TTLL4: variants seen among roughly 807,000 people sequenced by gnomAD.
TTLL4 encodes the protein tubulin tyrosine ligase like 4.
In TTLL4, 85 loss-of-function variants were observed where a neutral mutation model predicts 122.7. The observed-to-expected ratio is 0.69, with a 90% CI of 0.58 to 0.83. The LOEUF is 0.83. Among genes scored for constraint, TTLL4 ranks in the 40% least tolerant of loss-of-function variants. The pLI is 0.00. For synonymous variants in TTLL4, 553 were observed against 563.0 expected, an observed-to-expected ratio of 0.98 and a Z score of 0.25; for missense variants, 1,363 against 1,488.6, an observed-to-expected ratio of 0.92 and a Z score of 1.39.
chr2:218,734,697 CAT>C (rs1942468384), intron 2 of TTLL4, among the ~76,000 whole-genome samples: 1 of 152,182 alleles, frequency 6.6e-6, no homozygotes, highest in South Asian at 2.1e-4. Flanking sequence ...TTTCCCTAGG[CAT>C]TCTCCTACCA....
At chr2:218,716,695 A>C (rs1941870209) in intron 1 of TTLL4, among the ~76,000 whole-genome samples, 1 of 152,180 alleles carries the variant, frequency 6.6e-6, no homozygotes, top group South Asian at 2.1e-4. Flanking sequence ...AGGTTGAGGC[A>C]GGAGAATGGC....
At chr2:218,748,367 A>G in intron 12 of TTLL4, 140 bp downstream of exon 12, 2 of 1,332,600 alleles carry the variant, frequency 1.5e-6, no homozygotes, top group Non-Finnish European at 2.0e-6. Context: ...GAATTGGTCT[A>G]TTTGAGGCCG....
intron 1 of TTLL4, among the ~76,000 whole-genome samples, chr2:218,720,452 A>C (rs1447742881): frequency 1.3e-5 from 2 of 152,202 alleles, no homozygotes; most frequent in African/African-American, 4.8e-5. Flanking sequence ...TGCTGATGTG[A>C]TATTGTGATA....
chr2:218,743,122 T>C (rs1942748495), intron 5 of TTLL4, among the ~76,000 whole-genome samples: 1 of 151,752 alleles, frequency 6.6e-6, no homozygotes, highest in Admixed American at 6.6e-5. Context: ...CCAGCCTGGG[T>C]GACAAGAGCA....
At chr2:218,742,136 A>T (rs971438928) in intron 5 of TTLL4, among the ~76,000 whole-genome samples, 58 of 151,712 alleles carry the variant, frequency 3.8e-4, no homozygotes, top group African/African-American at 1.3e-3. Flanking sequence ...ATTAAAAAAA[A>T]TTTTTTTTGT....
At chr2:218,711,206 C>A (rs1941692335) in intron 1 of TTLL4, among the ~76,000 whole-genome samples, 169 bp downstream of exon 1, 1 of 152,234 alleles carries the variant, frequency 6.6e-6, no homozygotes, top group South Asian at 2.1e-4. Context: ...GGCCAGGGAG[C>A]CGCGGCCTCC....
Position 218,751,600 on chromosome 2 carries a change from C to T in TTLL4, c.2874-104C>T, listed in dbSNP as rs1943015034. 3.5e-6 allele frequency: 5 copies of T among 1,431,172 alleles called. No homozygotes were observed. In the East Asian group the frequency reaches 1.3e-4, roughly 38 times the overall value. The allele number at this position is 1,431,172 out of a possible 1,614,324, so 88.7% of individuals were successfully genotyped here. A position where few individuals can be genotyped will look rare whatever the true frequency, so the allele number is the denominator to read the frequency against. On this transcript the variant is annotated intron_variant, in intron 15 of 19. Transcript: ENST00000392102. ...GTAACCTCTGTTCATACATCTTTGT[C>T]TTCTCTCAAGAAGGGTGTCTGCTGG...
intron 4 of TTLL4, 141 bp from the exon 5 acceptor site, chr2:218,740,380 G>A (rs1942665549): frequency 2.1e-6 from 2 of 957,648 alleles, no homozygotes; most frequent in South Asian, 1.5e-5. Context: ...GTTGAGGAAG[G>A]CAGTGCAAAG....
intron 5 of TTLL4, among the ~76,000 whole-genome samples, chr2:218,743,329 C>T (rs1044213866): frequency 6.6e-6 from 1 of 152,144 alleles, no homozygotes. Flanking sequence ...TTTTTTCATT[C>T]AGCATATTCT....
chr2:218,729,776 A>C (rs1353547568), intron 2 of TTLL4, among the ~76,000 whole-genome samples: 5 of 151,016 alleles, frequency 3.3e-5, no homozygotes, highest in Admixed American at 6.6e-5. Context: ...AAAAAAAAAA[A>C]ACAGGATCTT....
chr2:218,744,059 C>G (rs1942776623), intron 5 of TTLL4, among the ~76,000 whole-genome samples: 1 of 152,108 alleles, frequency 6.6e-6, no homozygotes, highest in Non-Finnish European at 1.5e-5. Context: ...AACCAAAAGC[C>G]TTTGAAGAAA....
chr2:218,747,317 C>T lies in TTLL4; in HGVS notation c.2194C>T (p.Gln732Ter). ...PPASARGIGI[Q>*]VIHKWSQLPK... ...AGCATCAGCTCGAGGCATTGGCATC[C>T]AGGTTATTCACAAGTGGAGTCAGCT... The change falls in exon 10 of 20, where the codon CAG (glutamine) becomes TAG (stop). Residue 732 changes from glutamine (Q) to a stop codon, truncating the protein, a stop_gained. Coordinates refer to ENST00000392102, the MANE Select transcript of TTLL4 (RefSeq NM_014640.5). LOFTEE classifies it high-confidence loss of function. This position sits in a 1 kb window ranked among gnomAD's most constrained non-coding sequence, Gnocchi z 4.7. 1 of 1,614,192 alleles carries T rather than the reference C, an allele frequency of 6.2e-7. No individual in the cohort carries two copies. Among genetic ancestry groups the T allele is most frequent in the Non-Finnish European group, 8.5e-7 (1 of 1,180,038 alleles).
intron 2 of TTLL4, among the ~76,000 whole-genome samples, chr2:218,729,763 CAAA>C (rs1303308653): frequency 7.7e-6 from 1 of 129,770 alleles, no homozygotes; most frequent in Admixed American, 7.9e-5. Flanking sequence ...AAAAAAAAAA[CAAA>C]AAAAAAAAAA....
chr2:218,738,576 T>C lies in TTLL4; in HGVS notation c.900T>C (p.Val300=). The change falls in exon 3 of 20, where the codon GTT becomes GTC. Residue 300 remains valine, a synonymous_variant. Coordinates refer to ENST00000392102, the MANE Select transcript of TTLL4 (RefSeq NM_014640.5). Reference sequence around the variant, plus strand: ...CCCACGACACATCCACCACCAGTGTTGCCTCTTCCTGGTATAACCGGAATA... The same window carrying C: ...CCCACGACACATCCACCACCAGTGTCGCCTCTTCCTGGTATAACCGGAATA... ...ASSHDTSTTS[V]ASSWYNRNNL... 1.2e-6 allele frequency: 2 copies of C among 1,614,202 alleles called. No homozygotes were observed. The highest frequency in any genetic ancestry group is 1.7e-6 in the Non-Finnish European group (2 of 1,180,038).
Position 218,738,209 on chromosome 2 carries a change from C to T in TTLL4, c.533C>T (p.Ser178Phe). The change falls in exon 3 of 20, where the codon TCC becomes TTC. Residue 178 changes from serine (S) to phenylalanine (F), a missense_variant. Transcript: ENST00000392102. ...ATGGCCCAGCCCATGGCCTCCTCATCCACAGAACCATACCTCTGCTTGGCA... is the reference window on the plus strand; with the variant it reads ...ATGGCCCAGCCCATGGCCTCCTCATTCACAGAACCATACCTCTGCTTGGCA... ...FSMAQPMASSSTEPYLCLAAA... is the reference protein window; with the variant it reads ...FSMAQPMASSFTEPYLCLAAA... The T allele has an allele frequency of 6.2e-7, 1 of 1,614,128 alleles. No homozygotes were observed. The highest frequency in any genetic ancestry group is 8.5e-7 in the Non-Finnish European group (1 of 1,180,014).
intron 2 of TTLL4, among the ~76,000 whole-genome samples, chr2:218,732,308 C>A (rs1453396477): frequency 1.3e-5 from 2 of 152,096 alleles, no homozygotes; most frequent in South Asian, 2.1e-4. Context: ...ATGTAAATAC[C>A]TTTTCTCCTG....
chr2:218,753,695 G>T (rs1169374388), intron 19 of TTLL4, 26 bp downstream of exon 19: 1 of 1,611,430 alleles, frequency 6.2e-7, no homozygotes. Context: ...GCAAGGGAGG[G>T]GCTGCTGGCT....
intron 1 of TTLL4, among the ~76,000 whole-genome samples, chr2:218,720,536 C>T (rs995917550): frequency 6.6e-6 from 1 of 151,916 alleles, no homozygotes; most frequent in Non-Finnish European, 1.5e-5. Flanking sequence ...TATCCGGGCA[C>T]GATGGCGGGT....
intron 5 of TTLL4, among the ~76,000 whole-genome samples, chr2:218,744,449 G>A (rs1942785608): frequency 6.6e-6 from 1 of 151,974 alleles, no homozygotes. Flanking sequence ...TTAACAGTAG[G>A]GACCCCCATG....
Sources: allele counts gnomAD v4.1 joint callset (sites outside exome capture counted in the v4.1 genomes callset), GRCh38; gene constraint gnomAD v4.1.1; non-coding constraint Gnocchi (gnomAD v3.1); transcripts MANE v1.5; gene names NCBI Gene and HGNC (gene_info 2026-07-23, HGNC 2026-07-21).